SRBD1: variants seen among roughly 807,000 people sequenced by gnomAD.
SRBD1 encodes S1 RNA-binding domain-containing protein 1.
SRBD1 carries 88 observed loss-of-function variants against 115.3 expected under a neutral mutation model. The ratio of observed to expected loss-of-function variants is 0.76; its 90% CI spans 0.64 to 0.91. SRBD1 has a LOEUF of 0.91. SRBD1 is among the 40% of genes least tolerant of loss of function. The probability of loss-of-function intolerance (pLI) is 0.00; values close to 1 mark genes in which losing one functional copy is unlikely to be tolerated. For synonymous variants in SRBD1, 509 were observed against 407.7 expected (o/e 1.25, Z -2.99); for missense variants, 1,385 against 1,177.4 (o/e 1.18, Z -2.58).
At chr2:45,445,882 T>A (rs533773369) in intron 16 of SRBD1, among the ~76,000 whole-genome samples, 2 of 152,302 alleles carry the variant, frequency 1.3e-5, no homozygotes, top group African/African-American at 4.8e-5. Context: ...CAGGGTGTTT[T>A]CCCTTGCCAA....
At chr2:45,575,065 T>C (rs7603954) in intron 7 of SRBD1, among the ~76,000 whole-genome samples, 3,313 of 152,282 alleles carry the variant, frequency 0.022, 35 homozygotes, top group Middle Eastern at 0.054. Context: ...AAAAATGGAA[T>C]CATAACAGTA....
Position 45,477,091 on chromosome 2 carries a change from C to T in SRBD1, c.1967-16G>A. ...GCTATGGAAACTGAAAAAACAGAAT[C>T]AGAAAACAAGTATGACTTAATGTGA... On this transcript the variant is annotated splice_polypyrimidine_tract_variant and intron_variant, in intron 15 of 20. Coordinates refer to ENST00000263736, the MANE Select transcript of SRBD1 (RefSeq NM_018079.5). The T allele has an allele frequency of 6.2e-7, 1 of 1,608,198 alleles. No individual in the cohort carries two copies. The highest frequency in any genetic ancestry group is 1.3e-5 in the African/African-American group (1 of 74,928).
chr2:45,395,786 T>TG (rs1345178232), intron 19 of SRBD1, among the ~76,000 whole-genome samples: 1 of 152,168 alleles, frequency 6.6e-6, no homozygotes, highest in African/African-American at 2.4e-5. Flanking sequence ...CAACTGTACA[T>TG]GATAGGAAAC....
chr2:45,422,532 C>A (rs1397283536), intron 16 of SRBD1, among the ~76,000 whole-genome samples: 1 of 152,030 alleles, frequency 6.6e-6, no homozygotes, highest in Non-Finnish European at 1.5e-5. Flanking sequence ...TTGTATATAC[C>A]CTTAACATCG....
At chr2:45,501,749 C>T (rs1313587299) in intron 14 of SRBD1, among the ~76,000 whole-genome samples, 6 of 152,138 alleles carry the variant, frequency 3.9e-5, no homozygotes, top group Non-Finnish European at 8.8e-5. Context: ...GGTAGGGGCA[C>T]CTGCCATTGC....
At chr2:45,496,102 T>G (rs2103878021) in intron 14 of SRBD1, among the ~76,000 whole-genome samples, 1 of 152,334 alleles carries the variant, frequency 6.6e-6, no homozygotes, top group East Asian at 1.9e-4. Context: ...GCACAGAGAA[T>G]TGTGAAGTTT....
intron 14 of SRBD1, among the ~76,000 whole-genome samples, chr2:45,538,912 TA>T (rs1410699248): frequency 1.3e-5 from 2 of 151,168 alleles, no homozygotes; most frequent in East Asian, 3.9e-4. Flanking sequence ...AAGCATCCTT[TA>T]AAAAAAAAGA....
At chr2:45,414,376 G>C (rs1667697960) in intron 18 of SRBD1, among the ~76,000 whole-genome samples, 1 of 151,882 alleles carries the variant, frequency 6.6e-6, no homozygotes, top group Admixed American at 6.6e-5. Flanking sequence ...AATTAAATAA[G>C]TGCTCATGAA....
chr2:45,427,422 T>G (rs529914276), intron 16 of SRBD1, among the ~76,000 whole-genome samples: 1 of 146,524 alleles, frequency 6.8e-6, no homozygotes, highest in East Asian at 2.1e-4. Flanking sequence ...AATAAAGGGA[T>G]GGAGGAATAT....
chr2:45,515,419 T>C (rs1671089989), intron 14 of SRBD1, among the ~76,000 whole-genome samples: 1 of 152,210 alleles, frequency 6.6e-6, no homozygotes, highest in Admixed American at 6.5e-5. Flanking sequence ...ACCCATATTG[T>C]GAGCTATATA....
intron 18 of SRBD1, among the ~76,000 whole-genome samples, chr2:45,417,778 T>C (rs982662433): frequency 3.3e-5 from 5 of 152,214 alleles, no homozygotes; most frequent in African/African-American, 1.2e-4. Context: ...AACATATCTA[T>C]GCTTAGGGAA....
At chr2:45,460,482 A>C (rs748034882) in intron 16 of SRBD1, among the ~76,000 whole-genome samples, 12 of 152,306 alleles carry the variant, frequency 7.9e-5, no homozygotes, top group Non-Finnish European at 1.2e-4. Context: ...CATAGCAAGC[A>C]GGCACAGAAG....
At chr2:45,496,344 T>C (rs1431067030) in intron 14 of SRBD1, among the ~76,000 whole-genome samples, 1 of 152,128 alleles carries the variant, frequency 6.6e-6, no homozygotes, top group Non-Finnish European at 1.5e-5. Flanking sequence ...ACTTTGAGAA[T>C]ATTCTAATAT....
chr2:45,584,864 A>G (rs1027135356), intron 5 of SRBD1, among the ~76,000 whole-genome samples: 7 of 152,160 alleles, frequency 4.6e-5, no homozygotes, highest in South Asian at 2.1e-4. Flanking sequence ...AAAGTATGGG[A>G]AAAAGGCTGG....
At chr2:45,414,666 A>ATATAGTATGTATATACACACACACAGT (rs1239636385) in intron 18 of SRBD1, among the ~76,000 whole-genome samples, 2 of 148,682 alleles carry the variant, frequency 1.3e-5, no homozygotes, top group African/African-American at 5.1e-5. Flanking sequence ...ATACACACAT[A>ATATAGTATGTATATACACACACACAGT]GTGTATATAG....
At chr2:45,610,691 T>C (rs548474035) in intron 1 of SRBD1, among the ~76,000 whole-genome samples, 1 of 152,202 alleles carries the variant, frequency 6.6e-6, no homozygotes, top group Non-Finnish European at 1.5e-5. Context: ...GAAGGTGCAG[T>C]TGATTCAGAC....
chr2:45,554,024 A>G (rs1672391639), intron 10 of SRBD1, among the ~76,000 whole-genome samples: 1 of 152,236 alleles, frequency 6.6e-6, no homozygotes, highest in Non-Finnish European at 1.5e-5. Flanking sequence ...ATCTTAAGAT[A>G]CAAGAAAGTC....
chr2:45,406,334 A>C (rs576015348), intron 19 of SRBD1, among the ~76,000 whole-genome samples: 4 of 152,298 alleles, frequency 2.6e-5, no homozygotes, highest in African/African-American at 9.6e-5. Context: ...TGAGGTAAGA[A>C]CTGTCACCAG....
intron 16 of SRBD1, among the ~76,000 whole-genome samples, chr2:45,439,278 T>C (rs1484695994): frequency 1.3e-5 from 2 of 151,766 alleles, no homozygotes; most frequent in East Asian, 1.9e-4. Context: ...TATGGGTAAA[T>C]ATAAAATTGT....
Sources: allele counts gnomAD v4.1 joint callset (sites outside exome capture counted in the v4.1 genomes callset), GRCh38; gene constraint gnomAD v4.1.1; transcripts MANE v1.5; gene names NCBI Gene and HGNC (gene_info 2026-07-23, HGNC 2026-07-21).